KDM2A: variants seen among roughly 807,000 people sequenced by gnomAD.
KDM2A encodes the protein lysine demethylase 2A, also known as lysine-specific demethylase 2A.
Under a neutral mutation model 137.3 loss-of-function variants are expected in KDM2A, and 3 were observed. That is an observed-to-expected ratio of 0.02 (90% CI 0.01 to 0.06). The LOEUF is 0.06. Among genes scored for constraint, KDM2A ranks in the 10% least tolerant of loss-of-function variants. The probability of loss-of-function intolerance (pLI) is 1.00; values close to 1 mark genes in which losing one functional copy is unlikely to be tolerated. For synonymous variants in KDM2A, 512 were observed against 541.5 expected (o/e 0.95, Z 0.76); for missense variants, 738 against 1,510.6 (o/e 0.49, Z 8.48).
intron 2 of KDM2A, among the ~76,000 whole-genome samples, chr11:67,166,313 T>A (rs1856743200): frequency 6.6e-6 from 1 of 151,660 alleles, no homozygotes; most frequent in Non-Finnish European, 1.5e-5. Flanking sequence ...GCCTCCCAAG[T>A]AGCTGGGACT....
intron 2 of KDM2A, among the ~76,000 whole-genome samples, chr11:67,136,458 TAAAC>T (rs568657150): frequency 5.8e-4 from 89 of 152,336 alleles, no homozygotes; most frequent in Middle Eastern, 6.8e-3. Context: ...TTCATTCACT[TAAAC>T]AAATGTTTGT....
rs567373634 is a variant in KDM2A, at chr11:67,244,861, C to G, written c.1564-328C>G. On this transcript the variant is annotated intron_variant, in intron 13 of 20. Coordinates refer to ENST00000529006, the MANE Select transcript of KDM2A (RefSeq NM_012308.3). ...ATTAGCTGGGCATGGTGGTGGGCAC[C>G]TGTAGTCCCAGCTACTTGGGAGGCT... Among the ~76,000 whole-genome samples the G allele has an allele frequency of 2.6e-5, 4 of 152,120 alleles. No individual in the cohort carries two copies. In the South Asian group the frequency reaches 8.3e-4, roughly 32 times the overall value.
At chr11:67,153,985 T>C (rs1288304521) in intron 2 of KDM2A, among the ~76,000 whole-genome samples, 3 of 152,178 alleles carry the variant, frequency 2.0e-5, no homozygotes, top group African/African-American at 7.2e-5. Flanking sequence ...TTTAGCTGCC[T>C]CTCCTAAGAA....
At chr11:67,215,472 T>A in intron 7 of KDM2A, 26 bp downstream of exon 7, 1 of 1,481,468 alleles carries the variant, frequency 6.8e-7, no homozygotes, top group Non-Finnish European at 9.4e-7. Flanking sequence ...TGCATCTTCC[T>A]CCGTGTGCTG....
chr11:67,173,383 A>G (rs1202904927), intron 2 of KDM2A, among the ~76,000 whole-genome samples: 4 of 150,764 alleles, frequency 2.7e-5, no homozygotes, highest in African/African-American at 4.9e-5. Flanking sequence ...TGGCCTCCCA[A>G]AGTGTGGGGA....
At chr11:67,131,052 A>G (rs1855843579) in intron 2 of KDM2A, among the ~76,000 whole-genome samples, 4 of 152,196 alleles carry the variant, frequency 2.6e-5, no homozygotes, top group Non-Finnish European at 5.9e-5. Context: ...GGCCGGGTGC[A>G]GTGGCTCACG....
At chr11:67,125,617 C>T (rs899212017) in intron 2 of KDM2A, among the ~76,000 whole-genome samples, 5 of 151,676 alleles carry the variant, frequency 3.3e-5, no homozygotes, top group Non-Finnish European at 7.4e-5. Flanking sequence ...ACTAAAAATA[C>T]AAAAATTAGC....
At chr11:67,194,473 A>T (rs901833202) in intron 5 of KDM2A, among the ~76,000 whole-genome samples, 3 of 152,224 alleles carry the variant, frequency 2.0e-5, no homozygotes, top group African/African-American at 7.2e-5. Flanking sequence ...TAGTCAGTTG[A>T]TCAGGAGTTA....
intron 2 of KDM2A, among the ~76,000 whole-genome samples, chr11:67,129,279 T>C (rs78551780): frequency 0.02 from 3,006 of 152,276 alleles, 34 homozygotes; most frequent in East Asian, 0.045. Flanking sequence ...AATAATAAAG[T>C]GTCTAGTTGA....
chr11:67,125,761 AGAGT>A (rs1855707586), intron 2 of KDM2A, among the ~76,000 whole-genome samples: 1 of 149,732 alleles, frequency 6.7e-6, no homozygotes, highest in African/African-American at 2.5e-5. Context: ...CCTGGGCGAC[AGAGT>A]GAGACTCCAT....
chr11:67,171,095 G>T (rs1856872526), intron 2 of KDM2A, among the ~76,000 whole-genome samples: 1 of 152,150 alleles, frequency 6.6e-6, no homozygotes, highest in South Asian at 2.1e-4. Context: ...CACATGGTAG[G>T]TACTTAAACA....
chr11:67,215,591 C>T (rs746258299), intron 7 of KDM2A, 145 bp downstream of exon 7: 31 of 643,284 alleles, frequency 4.8e-5, no homozygotes, highest in Non-Finnish European at 7.7e-5. Context: ...TACAGTTCCA[C>T]AAGGAAGAGT....
intron 13 of KDM2A, chr11:67,244,978 T>TCGC: frequency 1.8e-6 from 1 of 540,654 alleles, no homozygotes; most frequent in Non-Finnish European, 3.2e-6. Flanking sequence ...AAAGCGAGAC[T>TCGC]CTGTCTCAAA....
chr11:67,136,587 G>T (rs1482963211), intron 2 of KDM2A, among the ~76,000 whole-genome samples: 1 of 152,188 alleles, frequency 6.6e-6, no homozygotes, highest in East Asian at 1.9e-4. Flanking sequence ...GTAGGATGGA[G>T]AATTCCTTGA....
At chr11:67,188,214 C>CAGG (rs1234668805) in intron 5 of KDM2A, among the ~76,000 whole-genome samples, 1 of 151,650 alleles carries the variant, frequency 6.6e-6, no homozygotes, top group African/African-American at 2.4e-5. Flanking sequence ...CGCAGTGACT[C>CAGG]ACGCTTGTAA....
chr11:67,225,225 C>T (rs1158298270), intron 10 of KDM2A, among the ~76,000 whole-genome samples: 1 of 152,162 alleles, frequency 6.6e-6, no homozygotes, highest in African/African-American at 2.4e-5. Flanking sequence ...CAAAAGATAT[C>T]ATTCTATTTA....
At position 67,257,727 on chromosome 11, in the gene KDM2A, T is replaced by G. The variant is rs1254280979; in HGVS notation, c.*2672T>G. On this transcript the variant is annotated 3_prime_UTR_variant, in exon 21 of 21. Coordinates refer to ENST00000529006, the MANE Select transcript of KDM2A (RefSeq NM_012308.3). ...AGAAATATTGTAAATATATATTTTTTTGTTGCTGATTTAGAGTCAATCTCC... is the reference window on the plus strand; with the variant it reads ...AGAAATATTGTAAATATATATTTTTGTGTTGCTGATTTAGAGTCAATCTCC... 1 of 152,190 alleles carries G rather than the reference T, an allele frequency of 6.6e-6. No individual in the cohort carries two copies. The highest frequency in any genetic ancestry group is 1.5e-5 in the Non-Finnish European group (1 of 68,034). 9.4% of individuals were successfully genotyped at this position (152,190 alleles called of 1,614,324 possible). A position where few individuals can be genotyped will look rare whatever the true frequency, so the allele number is the denominator to read the frequency against.
intron 2 of KDM2A, among the ~76,000 whole-genome samples, chr11:67,146,159 T>A (rs1246003727): frequency 1.3e-5 from 2 of 151,478 alleles, no homozygotes; most frequent in African/African-American, 4.8e-5. Context: ...ACCCAGCTAA[T>A]TTTTTTTCTA....
At chr11:67,241,294 A>G (rs865995206) in intron 12 of KDM2A, among the ~76,000 whole-genome samples, 3 of 152,178 alleles carry the variant, frequency 2.0e-5, no homozygotes, top group South Asian at 2.1e-4. Context: ...CCCACGCTGT[A>G]TGGTACTAAC....
Sources: allele counts gnomAD v4.1 joint callset (sites outside exome capture counted in the v4.1 genomes callset), GRCh38; gene constraint gnomAD v4.1.1; transcripts MANE v1.5; gene names NCBI Gene and HGNC (gene_info 2026-07-23, HGNC 2026-07-21).